DCST2: variants seen among roughly 807,000 people sequenced by gnomAD.
The protein encoded by DCST2 is DC-STAMP domain containing 2.
A neutral mutation model predicts 81.8 loss-of-function variants in DCST2; 64 were observed. The observed-to-expected ratio is 0.78, with a 90% CI of 0.64 to 0.96. DCST2 has a LOEUF of 0.96. Ranked by LOEUF, DCST2 falls within the 40% of genes least tolerant of loss-of-function variation. DCST2 has a pLI of 0.00. For missense variants in DCST2, 945 were observed against 1,001.4 expected (o/e 0.94, Z 0.76); for synonymous variants, 354 against 402.6 (o/e 0.88, Z 1.44).
In DCST2 at chr1:155,026,591, G is replaced by A. The variant is rs748692818; in HGVS notation, c.1467C>T (p.Leu489=). ...TGCTGTCAGGCTCCGAGGGACGAAGGAGACAACGCCGGGACAAAATACTGA... is the reference window on the plus strand; with the variant it reads ...TGCTGTCAGGCTCCGAGGGACGAAGAAGACAACGCCGGGACAAAATACTGA... ...GNISILSRRC[L]LRPSEPDSTG... Residue 489 remains leucine (L), a synonymous_variant, in exon 9 of 15, where the codon CTC becomes CTT. Transcript: ENST00000368424. 4 of 1,614,086 alleles carry A rather than the reference G, an allele frequency of 2.5e-6. No homozygotes were observed. Among genetic ancestry groups the A allele is most frequent in the East Asian group, 2.2e-5 (1 of 44,900 alleles).
Position 155,018,749 on chromosome 1 carries a change from T to C in DCST2, c.2117A>G (p.Glu706Gly). ...ESTSESSDLDEEKGPQQRKHG... is the reference protein window; with the variant it reads ...ESTSESSDLDGEKGPQQRKHG... ...CTTCCTCTGCTGAGGCCCCTTCTCC[T>C]CATCCAGGTCACTAGTGAGGAGAGG... The change falls in exon 15 of 15, where the codon GAG (glutamate) becomes GGG (glycine). Residue 706 changes from glutamate (E) to glycine (G), a missense_variant. Coordinates refer to ENST00000368424, the MANE Select transcript of DCST2 (RefSeq NM_144622.3). 1 of 1,612,976 alleles carries C rather than the reference T, an allele frequency of 6.2e-7. No individual in the cohort carries two copies. The highest frequency in any genetic ancestry group is 8.5e-7 in the Non-Finnish European group (1 of 1,179,856).
chr1:155,029,263 GC>G lies in DCST2; in HGVS notation c.1311del (p.His438ThrfsTer17). The G allele has an allele frequency of 6.2e-7, 1 of 1,613,958 alleles. No homozygotes were observed. The highest frequency in any genetic ancestry group is 1.1e-5 in the South Asian group (1 of 91,072). ...GCCACAATCTCCCCCTGCAGCTGGT[GC>G]CGGGCCAGGTCAAGCACCCAGAAGA... Reference protein sequence around the residue: ...YAVFWVLDLARHQLQGEIVAR... With the variant: ...YAVFWVLDLAXHQLQGEIVAR... On this transcript the variant is annotated frameshift_variant, in exon 8 of 15. Transcript: ENST00000368424. LOFTEE classifies it high-confidence loss of function.
intron 14 of DCST2, among the ~76,000 whole-genome samples, chr1:155,022,064 G>T (rs891362153): frequency 1.3e-5 from 2 of 151,688 alleles, no homozygotes; most frequent in Non-Finnish European, 2.9e-5. Context: ...ATGGGGTTTC[G>T]CCATGTTGGC....
intron 4 of DCST2, 59 bp downstream of exon 4, chr1:155,031,515 T>TGGGGCCCCC: frequency 1.6e-6 from 1 of 643,126 alleles, no homozygotes; most frequent in Non-Finnish European, 2.9e-6. Context: ...ACCCCCACAT[T>TGGGGCCCCC]CCCACCCCAC....
At chr1:155,030,059 C>A (rs1434222359) in intron 7 of DCST2, 25 bp downstream of exon 7, 13 of 1,611,026 alleles carry the variant, frequency 8.1e-6, no homozygotes, top group Non-Finnish European at 1.1e-5. Context: ...CTGGCTTGGG[C>A]TCTCCCTGTC....
rs111541777 is a variant in DCST2, at chr1:155,023,286, G to A, written c.1965-29C>T. On this transcript the variant is annotated intron_variant, in intron 13 of 14. Transcript: ENST00000368424. ...GAGAAGACTCTCATCTCAGTGGCCT[G>A]CAGACATCCTGGGAGAAGGGTGCCT... 6 of 1,613,716 alleles carry A rather than the reference G, an allele frequency of 3.7e-6. No homozygotes were observed. In the African/African-American group the frequency reaches 8.0e-5, roughly 22 times the overall value.
intron 5 of DCST2, 98 bp from the exon 6 acceptor site, chr1:155,030,743 C>A: frequency 7.5e-7 from 1 of 1,339,476 alleles, no homozygotes; most frequent in Non-Finnish European, 1.0e-6. Flanking sequence ...GGGGGCGCAG[C>A]TTACAGACCA....
At chr1:155,031,519 A>ACCCCCCC in intron 4 of DCST2, 55 bp downstream of exon 4, 3 of 412,710 alleles carry the variant, frequency 7.3e-6, no homozygotes, top group South Asian at 2.4e-5. Context: ...CCACATTCCC[A>ACCCCCCC]CCCCACCCCA....
intron 14 of DCST2, among the ~76,000 whole-genome samples, chr1:155,021,569 C>T (rs1553258353): frequency 4.4e-5 from 6 of 135,196 alleles, no homozygotes; most frequent in Non-Finnish European, 9.7e-5. Flanking sequence ...TCTAACTTAA[C>T]CCCCCAAAAA....
chr1:155,026,287 C>A lies in DCST2; in HGVS notation c.1611+15G>T. On this transcript the variant is annotated intron_variant, in intron 10 of 14. Transcript: ENST00000368424. ...GGAGGGGGCAGGGACTAGCTCCCAG[C>A]CCCGGACCCCTCACCTGCTCCCGGG... 1 of 1,613,288 alleles carries A rather than the reference C, an allele frequency of 6.2e-7. No individual in the cohort carries two copies. The highest frequency in any genetic ancestry group is 8.5e-7 in the Non-Finnish European group (1 of 1,179,790).
intron 7 of DCST2, 42 bp downstream of exon 7, chr1:155,030,042 G>T: frequency 6.2e-7 from 1 of 1,608,332 alleles, no homozygotes; most frequent in South Asian, 1.1e-5. Flanking sequence ...GGGAAGCCCT[G>T]GCCTCCCTGG....
At chr1:155,027,435 C>A (rs904701630) in intron 8 of DCST2, among the ~76,000 whole-genome samples, 1 of 144,584 alleles carries the variant, frequency 6.9e-6, no homozygotes, top group Non-Finnish European at 1.5e-5. Context: ...TGTGAGCCAC[C>A]GAGTAAGACC....
At chr1:155,023,769 G>T in intron 12 of DCST2, 63 bp downstream of exon 12, 1 of 1,607,072 alleles carries the variant, frequency 6.2e-7, no homozygotes, top group South Asian at 1.1e-5. Context: ...GACCACAGTG[G>T]ATTGTCATAT....
rs4845403 is a variant in DCST2, at chr1:155,026,349, G to A, written c.1564C>T (p.Arg522Trp). 2.7e-5 allele frequency: 43 copies of A among 1,613,812 alleles called. No individual in the cohort carries two copies. In the Admixed American group the frequency reaches 4.3e-4, roughly 16 times the overall value. The change falls in exon 10 of 15, where the codon CGG becomes TGG. Residue 522 changes from arginine to tryptophan, a missense_variant. Physicochemically the swap from Arg to Trp is moderately radical, Grantham distance 101. Transcript: ENST00000368424. ...FITLFGSYVS[R>W]LRRVICASYY... The stretch of plus-strand genomic sequence containing the variant: ...GAGGCACAGATGACTCGCCGCAGCC[G>A]GCTGACATAGCTGCCAAACAGGGTG...
chr1:155,029,183 G>A (rs374757847), intron 8 of DCST2, 50 bp downstream of exon 8: 214 of 1,598,884 alleles, frequency 1.3e-4, no homozygotes, highest in Non-Finnish European at 1.7e-4. Flanking sequence ...GAAACAGGCC[G>A]AGGGGGCTGC....
Position 155,030,221 on chromosome 1 carries a change from C to T in DCST2, c.1040G>A (p.Cys347Tyr), listed in dbSNP as rs1660031215. 1 of 1,614,146 alleles carries T rather than the reference C, an allele frequency of 6.2e-7. No homozygotes were observed. Among genetic ancestry groups the T allele is most frequent in the Admixed American group, 1.7e-5 (1 of 60,030 alleles). Residue 347 changes from cysteine to tyrosine, a missense_variant, in exon 7 of 15, where the codon TGT becomes TAT. Transcript: ENST00000368424. ...LYLQALFYRY[C>Y]YLNWDHYDNI... ...GTCATAATGGTCCCAGTTCAGGTAA[C>T]AATACCGGTAAAATAGGGCTCTGGG...
At chr1:155,023,613 T>C in intron 12 of DCST2, 156 bp from the exon 13 acceptor site, 1 of 1,546,556 alleles carries the variant, frequency 6.5e-7, no homozygotes, top group Non-Finnish European at 8.7e-7. Context: ...GCCACTTGCA[T>C]ATAAATCCTA....
chr1:155,023,087 C>T (rs1382257194), intron 14 of DCST2, 30 bp downstream of exon 14: 2 of 1,603,044 alleles, frequency 1.2e-6, no homozygotes, highest in East Asian at 2.2e-5. Flanking sequence ...ACTCACAATT[C>T]CCAGGTGCCA....
chr1:155,031,515 T>TCCCC, intron 4 of DCST2, 59 bp downstream of exon 4: 5 of 643,126 alleles, frequency 7.8e-6, no homozygotes, highest in Non-Finnish European at 1.2e-5. Flanking sequence ...ACCCCCACAT[T>TCCCC]CCCACCCCAC....
Sources: gnomAD v4.1 joint callset for allele counts (sites outside exome capture counted in the v4.1 genomes callset) on GRCh38, gnomAD v4.1.1 for gene constraint, MANE v1.5 for transcripts, NCBI Gene and HGNC (gene_info 2026-07-23, HGNC 2026-07-21) for gene names.